IKZF3: variants seen among roughly 807,000 people sequenced by gnomAD.
The protein encoded by IKZF3 is IKAROS family zinc finger 3.
IKZF3 carries 10 observed loss-of-function variants against 49.0 expected under a neutral mutation model. The ratio of observed to expected loss-of-function variants is 0.20; its 90% CI spans 0.13 to 0.35. The LOEUF (loss-of-function observed/expected upper bound fraction) is 0.35. IKZF3 is among the 10% of genes least tolerant of loss of function. The pLI is 1.00. For synonymous variants in IKZF3, 209 were observed against 228.2 expected (o/e 0.92, Z 0.76); for missense variants, 498 against 664.8 (o/e 0.75, Z 2.76).
At chr17:39,793,949 T>C (rs2061097447) in intron 3 of IKZF3, among the ~76,000 whole-genome samples, 2 of 152,196 alleles carry the variant, frequency 1.3e-5, no homozygotes, top group Middle Eastern at 3.2e-3. Flanking sequence ...GATGTAAGAA[T>C]AATAAACATT....
rs1229058123 is a variant in IKZF3 at position 39,764,932 on chromosome 17, TG to T, written c.*857del. The T allele has an allele frequency of 6.6e-6, 1 of 152,500 alleles. No homozygotes were observed. The highest frequency in any genetic ancestry group is 1.9e-4 in the East Asian group (1 of 5,326). 9.4% of individuals were successfully genotyped at this position (152,500 alleles called of 1,614,324 possible). The stretch of plus-strand genomic sequence containing the variant: ...ACTCTTTCAAGAAGTTTTAGGTAGC[TG>T]TTTTTTGTTTGTTTGTTTTCTGTTG... On this transcript the variant is annotated 3_prime_UTR_variant, in exon 8 of 8. Transcript: ENST00000346872.
chr17:39,820,887 G>C (rs955203468), intron 3 of IKZF3, among the ~76,000 whole-genome samples: 2 of 152,132 alleles, frequency 1.3e-5, no homozygotes, highest in Admixed American at 6.5e-5. Flanking sequence ...TCCTATAAAC[G>C]TTCTTGAACA....
At chr17:39,837,644 C>CT (rs947861178) in intron 1 of IKZF3, among the ~76,000 whole-genome samples, 189 of 142,322 alleles carry the variant, frequency 1.3e-3, no homozygotes, top group Middle Eastern at 3.6e-3. Context: ...GTTTCTTTTT[C>CT]TTTTTTTTTT....
chr17:39,799,600 C>T (rs2061265820), intron 3 of IKZF3, among the ~76,000 whole-genome samples: 1 of 152,178 alleles, frequency 6.6e-6, no homozygotes, highest in Admixed American at 6.5e-5. Context: ...GTGCTCAGGC[C>T]TCAACCTAGA....
At position 39,761,607 on chromosome 17, in the gene IKZF3, T is replaced by TA. The variant is rs535986526; in HGVS notation, c.*4182dup. The TA allele has an allele frequency of 1.3e-4, 19 of 151,704 alleles. No individual in the cohort carries two copies. Among genetic ancestry groups the TA allele is most frequent in the African/African-American group, 4.4e-4 (18 of 40,980 alleles). The allele number at this position is 151,704 out of a possible 1,614,324, so 9.4% of individuals were successfully genotyped here. On this transcript the variant is annotated 3_prime_UTR_variant, in exon 8 of 8. Coordinates refer to ENST00000346872, the MANE Select transcript of IKZF3 (RefSeq NM_012481.5). ...AAAAAATAAAAATAAATTAAAAAATTAAAAAACACCTGGAGCACTGGTTCT... is the reference window on the plus strand; with the variant it reads ...AAAAAATAAAAATAAATTAAAAAATTAAAAAAACACCTGGAGCACTGGTTCT...
rs2062495930 is a variant in IKZF3 at position 39,842,175 on chromosome 17, C to T, written c.8-10024G>A. Among the ~76,000 whole-genome samples the T allele has an allele frequency of 1.3e-5, 2 of 151,390 alleles. 1 individual carries two copies. The highest frequency in any genetic ancestry group is 4.9e-5 in the African/African-American group (2 of 41,216). On this transcript the variant is annotated intron_variant, in intron 1 of 7. Coordinates refer to ENST00000346872, the MANE Select transcript of IKZF3 (RefSeq NM_012481.5). ...AACTACAATAGCGTCTAGATATTAA[C>T]TTCTAAATATTATTCTCCATTTAAA...
At chr17:39,775,433 G>C (rs1451828181) in intron 7 of IKZF3, among the ~76,000 whole-genome samples, 1 of 152,242 alleles carries the variant, frequency 6.6e-6, no homozygotes, top group African/African-American at 2.4e-5. Context: ...ATAGATCCCC[G>C]AGGCAACAGG....
intron 5 of IKZF3, among the ~76,000 whole-genome samples, chr17:39,790,991 T>A (rs2061004159): frequency 1.3e-5 from 2 of 152,258 alleles, no homozygotes; most frequent in South Asian, 2.1e-4. Context: ...ATGATTTATA[T>A]CCAGATCACA....
At chr17:39,771,278 T>G (rs904394550) in intron 7 of IKZF3, among the ~76,000 whole-genome samples, 1 of 152,222 alleles carries the variant, frequency 6.6e-6, no homozygotes, top group Non-Finnish European at 1.5e-5. Flanking sequence ...GACCAGCACA[T>G]GCACTCAAGA....
At chr17:39,834,806 G>T (rs958965782) in intron 1 of IKZF3, among the ~76,000 whole-genome samples, 3 of 152,198 alleles carry the variant, frequency 2.0e-5, no homozygotes, top group African/African-American at 4.8e-5. Flanking sequence ...GGCAAGGGGG[G>T]TATCCCAGGC....
intron 7 of IKZF3, among the ~76,000 whole-genome samples, chr17:39,775,894 A>G (rs1446178396): frequency 4.0e-5 from 6 of 151,404 alleles, no homozygotes; most frequent in Non-Finnish European, 7.4e-5. Context: ...ATTGCACCCC[A>G]GCCTGGGCGA....
intron 6 of IKZF3, among the ~76,000 whole-genome samples, chr17:39,787,218 A>C (rs952386007): frequency 6.6e-6 from 1 of 152,252 alleles, no homozygotes; most frequent in Non-Finnish European, 1.5e-5. Context: ...AGCCAACTCA[A>C]TGGGACAAAG....
At chr17:39,836,462 T>G (rs768323549) in intron 1 of IKZF3, among the ~76,000 whole-genome samples, 1 of 152,046 alleles carries the variant, frequency 6.6e-6, no homozygotes, top group Non-Finnish European at 1.5e-5. Context: ...CAGGGGGAGA[T>G]TCAATAAGTA....
chr17:39,809,383 C>T (rs995845046), intron 3 of IKZF3, among the ~76,000 whole-genome samples: 2 of 152,162 alleles, frequency 1.3e-5, no homozygotes, highest in African/African-American at 4.8e-5. Flanking sequence ...TGAGAAAGGT[C>T]ACATGTTAAA....
chr17:39,824,513 C>A (rs1169694380), intron 3 of IKZF3, among the ~76,000 whole-genome samples: 2 of 152,018 alleles, frequency 1.3e-5, no homozygotes, highest in Admixed American at 1.3e-4. Flanking sequence ...GGGGCCAGGG[C>A]AGAATGATAT....
intron 1 of IKZF3, among the ~76,000 whole-genome samples, chr17:39,847,948 C>T (rs1019232514): frequency 3.9e-5 from 6 of 152,120 alleles, no homozygotes; most frequent in African/African-American, 1.2e-4. Flanking sequence ...AAGGCCAGAA[C>T]TAGAAGAAAT....
chr17:39,766,553 A>G (rs2060299093), intron 7 of IKZF3, 60 bp from the exon 8 acceptor site: 2 of 1,415,278 alleles, frequency 1.4e-6, no homozygotes, highest in Non-Finnish European at 1.9e-6. Context: ...GAGTTTGTAA[A>G]TATTTTCTAG....
intron 7 of IKZF3, among the ~76,000 whole-genome samples, chr17:39,773,666 G>A (rs1008325775): frequency 1.3e-5 from 2 of 152,100 alleles, no homozygotes; most frequent in African/African-American, 4.8e-5. Context: ...AATAACATCT[G>A]TTTTTTTGGG....
Position 39,768,646 on chromosome 17 carries a change from T to C in IKZF3, c.827-2153A>G, listed in dbSNP as rs568134809. Among the ~76,000 whole-genome samples, 21 of 152,318 alleles carry C rather than the reference T, an allele frequency of 1.4e-4. No individual in the cohort carries two copies. In the South Asian group the frequency reaches 4.4e-3, roughly 32 times the overall value. ...CATGTAAAGTGAAGATAATTGTATG[T>C]ACCTCACAGGGTCACTGGAAAGCAC... On this transcript the variant is annotated intron_variant, in intron 7 of 7. Transcript: ENST00000346872.
Sources: gnomAD v4.1 joint callset for allele counts (sites outside exome capture counted in the v4.1 genomes callset) on GRCh38, gnomAD v4.1.1 for gene constraint, MANE v1.5 for transcripts, NCBI Gene and HGNC (gene_info 2026-07-23, HGNC 2026-07-21) for gene names.